Variants in DENND2C observed in about 807,000 individuals in gnomAD.
DENND2C encodes the protein DENN domain containing 2C.
Under a neutral mutation model 112.4 loss-of-function variants are expected in DENND2C, and 72 were observed. The ratio of observed to expected loss-of-function variants is 0.64; its 90% CI spans 0.53 to 0.78. The LOEUF is 0.78. DENND2C is among the 30% of genes least tolerant of loss of function. The pLI is 0.00. For missense variants in DENND2C, 992 were observed against 1,113.8 expected, an observed-to-expected ratio of 0.89 and a Z score of 1.56; for synonymous variants, 329 against 381.6, an observed-to-expected ratio of 0.86 and a Z score of 1.61.
At chr1:114,600,443 A>C in intron 14 of DENND2C, 91 bp from the exon 15 acceptor site, 8 of 1,516,792 alleles carry the variant, frequency 5.3e-6, no homozygotes, top group Non-Finnish European at 4.5e-6. Context: ...TATATAAGTT[A>C]AATTCAAGAA....
intron 17 of DENND2C, among the ~76,000 whole-genome samples, chr1:114,594,998 C>T (rs1342297550): frequency 6.6e-6 from 1 of 152,182 alleles, no homozygotes; most frequent in Non-Finnish European, 1.5e-5. Flanking sequence ...GCTTTATGAA[C>T]TCTTCCTTTC....
At chr1:114,602,096 C>G in intron 12 of DENND2C, 29 bp downstream of exon 12, 1 of 1,611,920 alleles carries the variant, frequency 6.2e-7, no homozygotes, top group African/African-American at 1.3e-5. Context: ...CTTGACCAAC[C>G]CTGTCTGTAA....
intron 18 of DENND2C, among the ~76,000 whole-genome samples, chr1:114,592,310 A>C (rs998229211): frequency 1.3e-5 from 2 of 152,230 alleles, no homozygotes; most frequent in Non-Finnish European, 2.9e-5. Flanking sequence ...CTGCACCAAA[A>C]CCAAACTATC....
chr1:114,649,014 A>G (rs1489947123), intron 2 of DENND2C, among the ~76,000 whole-genome samples: 1 of 151,376 alleles, frequency 6.6e-6, no homozygotes, highest in Non-Finnish European at 1.5e-5. Context: ...GAGTGCAGTG[A>G]CGTGATCTTG....
chr1:114,664,904 T>G (rs1657603869), intron 1 of DENND2C, among the ~76,000 whole-genome samples: 1 of 146,810 alleles, frequency 6.8e-6, no homozygotes, highest in East Asian at 2.1e-4. Flanking sequence ...ACCAGCCTGA[T>G]CAATATGGTG....
chr1:114,603,936 A>G (rs1293131712), intron 11 of DENND2C, among the ~76,000 whole-genome samples: 1 of 152,226 alleles, frequency 6.6e-6, no homozygotes, highest in African/African-American at 2.4e-5. Context: ...CTTTTGAGTA[A>G]CCAGACTGCC....
chr1:114,620,291 C>A (rs1656129033), intron 7 of DENND2C, among the ~76,000 whole-genome samples: 1 of 152,128 alleles, frequency 6.6e-6, no homozygotes, highest in Non-Finnish European at 1.5e-5. Context: ...ATTAAGAATT[C>A]ATAATCATTT....
chr1:114,603,652 T>C (rs1336407780), intron 11 of DENND2C, among the ~76,000 whole-genome samples: 1 of 151,936 alleles, frequency 6.6e-6, no homozygotes, highest in Non-Finnish European at 1.5e-5. Flanking sequence ...GCTCAAGTGA[T>C]CCTCCTGCCT....
At chr1:114,622,964 T>C (rs753576029) in intron 6 of DENND2C, 23 bp downstream of exon 6, 1 of 1,550,744 alleles carries the variant, frequency 6.4e-7, no homozygotes, top group Non-Finnish European at 8.8e-7. Flanking sequence ...TAATGTTTTC[T>C]TCAATTCATT....
At position 114,585,571 on chromosome 1, in the gene DENND2C, T is replaced by A. The variant is rs1398418208; in HGVS notation, c.*29A>T. ...ATATTTTCTTTGGCACTTTCTGTTG[T>A]ATATTCAGGATGGAGACAATCAGAG... On this transcript the variant is annotated 3_prime_UTR_variant, in exon 21 of 21. Transcript: ENST00000393274. 2.5e-6 allele frequency: 4 copies of A among 1,611,682 alleles called. No homozygotes were observed. The highest frequency in any genetic ancestry group is 3.4e-6 in the Non-Finnish European group (4 of 1,178,130).
At chr1:114,618,081 C>T (rs538277520) in intron 8 of DENND2C, among the ~76,000 whole-genome samples, 5 of 151,984 alleles carry the variant, frequency 3.3e-5, no homozygotes, top group South Asian at 2.1e-4. Context: ...CTCGGCCTCC[C>T]GGGTTCACGC....
In DENND2C at chr1:114,602,194, A is replaced by G; in HGVS notation, c.1668T>C (p.Ser556=). ...CAGTCAAGACAAAGGAGAATGTTTC[A>G]CTGAAAAAAGAGCCAATAGTTAGTT... ...KDWMPTSELK[S]ETFSFVLTGE... The change falls in exon 12 of 21, where the codon AGT becomes AGC. Residue 556 remains serine, a splice_region_variant and synonymous_variant. Coordinates refer to ENST00000393274, the MANE Select transcript of DENND2C (RefSeq NM_001256404.2). 2.5e-6 allele frequency: 4 copies of G among 1,613,336 alleles called. No homozygotes were observed. Among genetic ancestry groups the G allele is most frequent in the Non-Finnish European group, 3.4e-6 (4 of 1,179,618 alleles).
intron 8 of DENND2C, among the ~76,000 whole-genome samples, chr1:114,613,980 C>A (rs1037778638): frequency 6.6e-6 from 1 of 152,096 alleles, no homozygotes; most frequent in Non-Finnish European, 1.5e-5. Flanking sequence ...TACCTATAAT[C>A]CCAGCATTTT....
Position 114,618,413 on chromosome 1 carries a change from T to C in DENND2C, c.1297A>G (p.Thr433Ala). Residue 433 changes from threonine (T) to alanine (A), a missense_variant, in exon 8 of 21, where the codon ACT becomes GCT. By Grantham distance (58) the Thr-to-Ala change is moderately conservative. This residue lies in a region of DENND2C where 516 missense variants were observed against 623.6 expected (regional missense o/e 0.83). Transcript: ENST00000393274. ...TTTGTCGGAGGTAATTCCTTTCCAG[T>C]GTAAGAATGTAACTTTACCTTCTTC... ...GKKKVKLHSY[T>A]GKELPPTKGE... 1 of 1,594,678 alleles carries C rather than the reference T, an allele frequency of 6.3e-7. No homozygotes were observed. The highest frequency in any genetic ancestry group is 1.4e-5 in the African/African-American group (1 of 74,034).
At chr1:114,663,456 TG>T (rs1657555298) in intron 1 of DENND2C, among the ~76,000 whole-genome samples, 1 of 152,170 alleles carries the variant, frequency 6.6e-6, no homozygotes, top group Admixed American at 6.5e-5. Flanking sequence ...AAATGAGAAA[TG>T]GGGGATGAAT....
intron 8 of DENND2C, among the ~76,000 whole-genome samples, chr1:114,612,194 C>T (rs1213454769): frequency 6.6e-6 from 1 of 152,028 alleles, no homozygotes; most frequent in Non-Finnish European, 1.5e-5. Context: ...AAACAATAAA[C>T]AAGACATACA....
At chr1:114,638,940 A>G (rs1217028693) in intron 3 of DENND2C, among the ~76,000 whole-genome samples, 6 of 152,142 alleles carry the variant, frequency 3.9e-5, no homozygotes, top group South Asian at 2.1e-4. Flanking sequence ...TCTGCCATAC[A>G]TATATCTGAT....
rs1419004729 is a variant in DENND2C, at chr1:114,625,570, G to A, written c.415C>T (p.Pro139Ser). The change falls in exon 4 of 21, where the codon CCT becomes TCT. Residue 139 changes from proline (P) to serine (S), a missense_variant. Pro to Ser is a moderately conservative substitution (Grantham distance 74). Around this residue, in one of 3 missense-constraint regions of DENND2C, gnomAD observed 470 missense variants for 472.7 expected, o/e 0.99. Transcript: ENST00000393274. ...TGTGAGGTATAGAAGTTTCCTGGAG[G>A]TAATGAAGTCTCTGGATCTAAGACA... Reference protein sequence around the residue: ...EDVLDPETSLPPGNFYTSQIL... With the variant: ...EDVLDPETSLSPGNFYTSQIL... 3.1e-6 allele frequency: 5 copies of A among 1,613,938 alleles called. No homozygotes were observed. In the African/African-American group the frequency reaches 4.0e-5, roughly 13 times the overall value.
At chr1:114,644,764 G>A (rs939075848) in intron 3 of DENND2C, among the ~76,000 whole-genome samples, 3 of 152,062 alleles carry the variant, frequency 2.0e-5, no homozygotes, top group African/African-American at 7.2e-5. Flanking sequence ...GGTCATATAC[G>A]TTGTTACAAT....
Sources: allele counts gnomAD v4.1 joint callset (sites outside exome capture counted in the v4.1 genomes callset), GRCh38; gene constraint gnomAD v4.1.1; regional missense constraint gnomAD v4.1.1; transcripts MANE v1.5; gene names NCBI Gene and HGNC (gene_info 2026-07-23, HGNC 2026-07-21).